The following ITGA1 variants were observed in gnomAD, a reference collection of about 807,000 sequenced individuals.
The protein encoded by ITGA1 is integrin subunit alpha 1, also known as integrin alpha-1.
Under a neutral mutation model 145.9 loss-of-function variants are expected in ITGA1, and 85 were observed. The observed-to-expected ratio is 0.58, with a 90% confidence interval of 0.49 to 0.70. The LOEUF is 0.70. Among genes scored for constraint, ITGA1 ranks in the 30% least tolerant of loss-of-function variants. ITGA1 has a pLI of 0.00. For synonymous variants in ITGA1, 520 were observed against 495.3 expected (o/e 1.05, Z -0.66); for missense variants, 1,351 against 1,418.7 (o/e 0.95, Z 0.77).
In ITGA1 at chr5:52,882,099, T is replaced by A. The variant is rs954464761; in HGVS notation, c.773+78T>A. On this transcript the variant is annotated intron_variant, in intron 7 of 28. Coordinates refer to ENST00000282588, the MANE Select transcript of ITGA1 (RefSeq NM_181501.2). ...ATGATTTAGCCTTTTGGCATATCAATTGAAAGTTTAATATGACAATATTTA... is the reference window on the plus strand; with the variant it reads ...ATGATTTAGCCTTTTGGCATATCAAATGAAAGTTTAATATGACAATATTTA... 8.0e-6 allele frequency: 10 copies of A among 1,256,330 alleles called. No homozygotes were observed. In the African/African-American group the frequency reaches 1.5e-4, roughly 19 times the overall value. 77.8% of individuals were successfully genotyped at this position (1,256,330 alleles called of 1,614,324 possible).
intron 24 of ITGA1, among the ~76,000 whole-genome samples, chr5:52,939,050 C>G (rs1279273150): frequency 6.6e-6 from 1 of 151,996 alleles, no homozygotes; most frequent in Non-Finnish European, 1.5e-5. Flanking sequence ...CTACAGGCGC[C>G]TGCCACCACA....
At chr5:52,861,737 G>T (rs568797403) in intron 3 of ITGA1, among the ~76,000 whole-genome samples, 178 bp downstream of exon 3, 1 of 151,828 alleles carries the variant, frequency 6.6e-6, no homozygotes, top group Non-Finnish European at 1.5e-5. Context: ...GGATGGGGTG[G>T]TGCACTACTG....
intron 22 of ITGA1, chr5:52,933,313 T>G (rs925382670): frequency 9.2e-5 from 14 of 152,048 alleles, no homozygotes; most frequent in African/African-American, 3.4e-4. Flanking sequence ...CCACTTCTAT[T>G]GGTGCACTGA....
At chr5:52,912,752 A>ATTTTTT (rs1333581841) in intron 14 of ITGA1, among the ~76,000 whole-genome samples, 1 of 142,548 alleles carries the variant, frequency 7.0e-6, no homozygotes, top group South Asian at 2.2e-4. Context: ...ATATATATAT[A>ATTTTTT]TATTTTTTTT....
intron 3 of ITGA1, among the ~76,000 whole-genome samples, chr5:52,863,215 C>T (rs906682899): frequency 7.2e-5 from 11 of 152,228 alleles, no homozygotes; most frequent in Admixed American, 2.6e-4. Context: ...GTTAAAATCT[C>T]TATTCAGGTT....
intron 1 of ITGA1, among the ~76,000 whole-genome samples, chr5:52,805,227 T>A (rs1047207937): frequency 6.6e-6 from 1 of 152,132 alleles, no homozygotes; most frequent in African/African-American, 2.4e-5. Context: ...ACCTCCGTGC[T>A]ACAAGAAGGA....
intron 1 of ITGA1, among the ~76,000 whole-genome samples, chr5:52,791,777 G>A: frequency 6.6e-6 from 1 of 151,506 alleles, no homozygotes; most frequent in Admixed American, 6.6e-5. Flanking sequence ...AAAAAGAAAA[G>A]AAAAAATTAA....
chr5:52,925,732 G>A (rs2452866), intron 19 of ITGA1, among the ~76,000 whole-genome samples: 127,225 of 152,228 alleles, frequency 0.84, 53,527 homozygotes, highest in African/African-American at 0.92. Flanking sequence ...TAAAAACTGT[G>A]TGTTTCATAA....
chr5:52,894,958 C>G (rs768670192), intron 9 of ITGA1, among the ~76,000 whole-genome samples: 27 of 151,964 alleles, frequency 1.8e-4, no homozygotes, highest in Non-Finnish European at 3.5e-4. Context: ...GTGTGACTCA[C>G]GATAATAACT....
chr5:52,875,284 C>CAA (rs1218766244), intron 6 of ITGA1, among the ~76,000 whole-genome samples: 3 of 136,278 alleles, frequency 2.2e-5, no homozygotes, highest in African/African-American at 8.1e-5. Flanking sequence ...CTAGTATTCC[C>CAA]AAAAAAAAAA....
intron 1 of ITGA1, among the ~76,000 whole-genome samples, chr5:52,845,390 A>G (rs1749317234): frequency 6.6e-6 from 1 of 152,142 alleles, no homozygotes; most frequent in Non-Finnish European, 1.5e-5. Flanking sequence ...GTGCTTTCCA[A>G]ACCTTAATAG....
intron 23 of ITGA1, among the ~76,000 whole-genome samples, chr5:52,935,813 T>C (rs1169990033): frequency 6.6e-6 from 1 of 152,184 alleles, no homozygotes; most frequent in Non-Finnish European, 1.5e-5. Flanking sequence ...AATATGCATA[T>C]ATGCAAATAG....
intron 1 of ITGA1, among the ~76,000 whole-genome samples, chr5:52,833,522 T>G (rs1749109296): frequency 6.6e-6 from 1 of 152,180 alleles, no homozygotes; most frequent in African/African-American, 2.4e-5. Context: ...CCCAGACATT[T>G]TACCTTTCTC....
chr5:52,856,776 T>C (rs1749520394), intron 2 of ITGA1, among the ~76,000 whole-genome samples: 1 of 152,062 alleles, frequency 6.6e-6, no homozygotes, highest in African/African-American at 2.4e-5. Flanking sequence ...GCATAATAAG[T>C]CATTCCAATA....
intron 2 of ITGA1, among the ~76,000 whole-genome samples, chr5:52,856,585 T>C (rs1749514947): frequency 6.6e-6 from 1 of 152,040 alleles, no homozygotes; most frequent in South Asian, 2.1e-4. Context: ...TCAGTTTAAA[T>C]CTTCATCGCT....
intron 1 of ITGA1, among the ~76,000 whole-genome samples, chr5:52,820,522 T>TTAA (rs112537533): frequency 2.7e-5 from 4 of 146,538 alleles, no homozygotes; most frequent in Admixed American, 2.0e-4. Flanking sequence ...TAAAGTATAA[T>TTAA]AAAAAAAAAA....
At position 52,851,342 on chromosome 5, in the gene ITGA1, C is replaced by T. The variant is rs117536231; in HGVS notation, c.182+1857C>T. Among the ~76,000 whole-genome samples the T allele has an allele frequency of 1.8e-3, 272 of 152,130 alleles. 5 individuals carry two copies. In the East Asian group the frequency reaches 0.046, roughly 26 times the overall value. ...TTTCTTTTTAGAAGCCTTAGTGCCC[C>T]CATTTGATCTCTTTAGTCACTGTTT... On this transcript the variant is annotated intron_variant, in intron 2 of 28. Coordinates refer to ENST00000282588, the MANE Select transcript of ITGA1 (RefSeq NM_181501.2).
chr5:52,917,198 C>T (rs939054496), intron 15 of ITGA1, among the ~76,000 whole-genome samples: 3 of 152,120 alleles, frequency 2.0e-5, no homozygotes, highest in Non-Finnish European at 4.4e-5. Context: ...GTGGGGTGGA[C>T]AATGGTCGAG....
chr5:52,852,601 A>G (rs73756272), intron 2 of ITGA1, among the ~76,000 whole-genome samples: 42,107 of 152,070 alleles, frequency 0.28, 6,126 homozygotes, highest in South Asian at 0.39. Context: ...TTCACTTATC[A>G]GGAAGTGGGT....
Sources: gnomAD v4.1 joint callset for allele counts (sites outside exome capture counted in the v4.1 genomes callset) on GRCh38, gnomAD v4.1.1 for gene constraint, MANE v1.5 for transcripts, NCBI Gene and HGNC (gene_info 2026-07-23, HGNC 2026-07-21) for gene names.